SLX4IP: variants seen among roughly 807,000 people sequenced by gnomAD.
SLX4IP encodes the protein SLX4 interacting protein, also known as protein SLX4IP.
A neutral mutation model predicts 32.9 loss-of-function variants in SLX4IP; 34 were observed. That is an observed-to-expected ratio of 1.03 (90% CI 0.79 to 1.38). The LOEUF is 1.38. Among genes scored for constraint, SLX4IP ranks in the 40% most tolerant of loss-of-function variants. The probability of loss-of-function intolerance (pLI) is 0.00; values close to 1 mark genes in which losing one functional copy is unlikely to be tolerated. For missense variants in SLX4IP, 444 were observed against 479.0 expected (o/e 0.93, Z 0.68); for synonymous variants, 172 against 171.7 (o/e 1.00, Z -0.01).
chr20:10,577,582 G>A (rs79631273), intron 4 of SLX4IP, among the ~76,000 whole-genome samples: 3,727 of 152,328 alleles, frequency 0.024, 94 homozygotes, highest in Admixed American at 0.087. Context: ...TTAGTTGGGT[G>A]TGACAGCACG....
In SLX4IP at chr20:10,615,559, A is replaced by G. The variant is rs1278891764; in HGVS notation, c.406-5755A>G. ...GCTCAGACCTCCCTGCTTTGTGTCT[A>G]CAGCTCAGACCTCCCTCTGCCGGAA... is the stretch of plus-strand genomic sequence containing the variant. On this transcript the variant is annotated intron_variant, in intron 6 of 7. Coordinates refer to ENST00000334534, the MANE Select transcript of SLX4IP (RefSeq NM_001009608.3). 2.6e-5 allele frequency among the ~76,000 whole-genome samples: 4 copies of G among 152,064 alleles called. No homozygotes were observed. In the East Asian group the frequency reaches 7.7e-4, roughly 29 times the overall value.
rs868463559 is a variant in SLX4IP at position 10,480,426 on chromosome 20, A to C, written c.27+22195A>C. On this transcript the variant is annotated intron_variant, in intron 2 of 7. Coordinates refer to ENST00000334534, the MANE Select transcript of SLX4IP (RefSeq NM_001009608.3). The stretch of plus-strand genomic sequence containing the variant: ...TTTCCAAAAAAAAAAAAGGAAAATC[A>C]GTCCAAATAACTTGATAGTGTTAAA... 3.3e-5 allele frequency among the ~76,000 whole-genome samples: 5 copies of C among 152,174 alleles called. No individual in the cohort carries two copies. The South Asian group carries it at 6.2e-4, about 19-fold the overall frequency.
intron 2 of SLX4IP, among the ~76,000 whole-genome samples, chr20:10,461,755 T>C (rs560874942): frequency 6.6e-6 from 1 of 152,292 alleles, no homozygotes; most frequent in South Asian, 2.1e-4. Context: ...TTTCCCTGTT[T>C]TTCTTTTCCT....
At chr20:10,552,636 A>G (rs893968781) in intron 2 of SLX4IP, among the ~76,000 whole-genome samples, 1 of 152,042 alleles carries the variant, frequency 6.6e-6, no homozygotes, top group African/African-American at 2.4e-5. Context: ...AGATTTGACA[A>G]TTTATTTTTC....
chr20:10,511,407 A>G (rs976587996), intron 2 of SLX4IP, among the ~76,000 whole-genome samples: 3 of 152,172 alleles, frequency 2.0e-5, no homozygotes, highest in Admixed American at 1.3e-4. Context: ...GTTGAACTCC[A>G]TGAGACTGTC....
intron 2 of SLX4IP, among the ~76,000 whole-genome samples, chr20:10,507,087 A>G (rs2070523583): frequency 6.6e-6 from 1 of 152,216 alleles, no homozygotes. Context: ...GCAATTTTAA[A>G]TCAGGTGGCT....
chr20:10,477,898 CTTTT>C (rs35993699), intron 2 of SLX4IP, among the ~76,000 whole-genome samples: 18 of 129,834 alleles, frequency 1.4e-4, no homozygotes, highest in Non-Finnish European at 1.8e-4. Flanking sequence ...TACAATCTCC[CTTTT>C]TTTTTTTTTT....
At chr20:10,519,295 C>T (rs1345887069) in intron 2 of SLX4IP, among the ~76,000 whole-genome samples, 1 of 152,180 alleles carries the variant, frequency 6.6e-6, no homozygotes, top group Non-Finnish European at 1.5e-5. Flanking sequence ...GCAGCCATTA[C>T]TGTGATCTAA....
intron 2 of SLX4IP, among the ~76,000 whole-genome samples, chr20:10,499,013 T>A (rs1004667203): frequency 1.3e-5 from 2 of 152,166 alleles, no homozygotes; most frequent in African/African-American, 4.8e-5. Flanking sequence ...GCTTTGGATG[T>A]TAAAATATCT....
intron 2 of SLX4IP, among the ~76,000 whole-genome samples, chr20:10,525,364 G>A (rs1600962782): frequency 6.6e-6 from 1 of 151,984 alleles, no homozygotes. Flanking sequence ...TTCTCTACAC[G>A]GAAATTTAGC....
chr20:10,550,504 G>A (rs1020838229), intron 2 of SLX4IP, among the ~76,000 whole-genome samples: 3 of 151,890 alleles, frequency 2.0e-5, no homozygotes, highest in Non-Finnish European at 2.9e-5. Flanking sequence ...CCTTCACCTC[G>A]AGATCACCTT....
At chr20:10,616,983 G>T (rs1159660350) in intron 6 of SLX4IP, among the ~76,000 whole-genome samples, 1 of 152,190 alleles carries the variant, frequency 6.6e-6, no homozygotes, top group Non-Finnish European at 1.5e-5. Flanking sequence ...TATCAATTCT[G>T]TGTGCCTTTA....
intron 2 of SLX4IP, among the ~76,000 whole-genome samples, chr20:10,498,860 T>TTATCATATCA (rs1180443048): frequency 6.6e-6 from 1 of 152,050 alleles, no homozygotes. Flanking sequence ...ATTTACTTTG[T>TTATCATATCA]TATCATATCA....
At chr20:10,461,440 G>C (rs1302596516) in intron 2 of SLX4IP, among the ~76,000 whole-genome samples, 1 of 152,254 alleles carries the variant, frequency 6.6e-6, no homozygotes, top group African/African-American at 2.4e-5. Context: ...TAGGGACAGG[G>C]TTCTGACACA....
intron 6 of SLX4IP, among the ~76,000 whole-genome samples, chr20:10,616,180 G>A (rs1157791900): frequency 2.0e-5 from 3 of 151,692 alleles, no homozygotes; most frequent in African/African-American, 4.8e-5. Flanking sequence ...TCTATATCCC[G>A]TCCATCAGCA....
intron 3 of SLX4IP, among the ~76,000 whole-genome samples, chr20:10,558,858 T>G (rs538185764): frequency 6.6e-6 from 1 of 152,228 alleles, no homozygotes; most frequent in Non-Finnish European, 1.5e-5. Context: ...ACGTGTGGTG[T>G]GGTCGGTTAC....
chr20:10,486,608 G>A (rs2065576689), intron 2 of SLX4IP, among the ~76,000 whole-genome samples: 1 of 152,120 alleles, frequency 6.6e-6, no homozygotes, highest in African/African-American at 2.4e-5. Context: ...GGACAAATTT[G>A]CAAATAGAGG....
chr20:10,572,709 C>A (rs2066479310), intron 4 of SLX4IP, among the ~76,000 whole-genome samples: 1 of 152,182 alleles, frequency 6.6e-6, no homozygotes, highest in African/African-American at 2.4e-5. Flanking sequence ...TTTCTGTCTG[C>A]AGTGGCCTGC....
intron 2 of SLX4IP, among the ~76,000 whole-genome samples, chr20:10,481,576 CTTGT>C (rs1275233634): frequency 1.3e-5 from 2 of 152,158 alleles, no homozygotes; most frequent in Non-Finnish European, 2.9e-5. Flanking sequence ...ATGTCAGCAT[CTTGT>C]TTGTCTTGTT....
Sources: allele counts gnomAD v4.1 joint callset (sites outside exome capture counted in the v4.1 genomes callset), GRCh38; gene constraint gnomAD v4.1.1; transcripts MANE v1.5; gene names NCBI Gene and HGNC (gene_info 2026-07-23, HGNC 2026-07-21).